Variants in SCARA3 observed in about 807,000 individuals in gnomAD.
SCARA3 encodes the protein cellular stress response gene protein.
SCARA3 carries 39 observed loss-of-function variants against 47.0 expected under a neutral mutation model. The observed-to-expected ratio is 0.83, with a 90% confidence interval of 0.64 to 1.08. SCARA3 has a LOEUF of 1.08. Among genes scored for constraint, SCARA3 ranks in the 50% least tolerant of loss-of-function variants. The pLI is 0.00. For missense variants in SCARA3, 724 were observed against 792.3 expected (o/e 0.91, Z 1.04); for synonymous variants, 356 against 334.1 (o/e 1.07, Z -0.71).
chr8:27,653,029 G>A (rs1801665994), intron 3 of SCARA3, among the ~76,000 whole-genome samples: 1 of 152,174 alleles, frequency 6.6e-6, no homozygotes, highest in African/African-American at 2.4e-5. Context: ...TCAGAAAGTG[G>A]CAAAAATCCC....
At chr8:27,699,118 C>T in the SCARA3 span, among the ~76,000 whole-genome samples, 4 of 151,790 alleles carry the variant, frequency 2.6e-5, no homozygotes, top group Admixed American at 6.6e-5. Flanking sequence ...GTGGCGGGCG[C>T]CTGTAGTCCC....
the SCARA3 span, among the ~76,000 whole-genome samples, chr8:27,707,820 C>CTA: frequency 4.6e-5 from 1 of 21,736 alleles, no homozygotes; most frequent in Non-Finnish European, 2.1e-4. Flanking sequence ...TGAAAAACTT[C>CTA]CAAAAAAAAA....
rs1178823922 is a variant in SCARA3, at chr8:27,641,690, T to C, written c.7+7483T>C. On this transcript the variant is annotated intron_variant, in intron 1 of 5. Transcript: ENST00000301904. ...GGAAGGAGAGCGAGGAAAGGCTGAG[T>C]GCATTGGGGATGAAGAAGGCAAGGG... Among the ~76,000 whole-genome samples, 4 of 151,992 alleles carry C rather than the reference T, an allele frequency of 2.6e-5. 1 individual carries two copies. Among genetic ancestry groups the C allele is most frequent in the Non-Finnish European group, 4.4e-5 (3 of 67,980 alleles).
intron 5 of SCARA3, among the ~76,000 whole-genome samples, chr8:27,659,874 AAAAG>A (rs1801856180): frequency 1.1e-5 from 1 of 93,856 alleles, no homozygotes; most frequent in African/African-American, 2.9e-5. Flanking sequence ...AAAAAAAAAA[AAAAG>A]AGAGAGAGAG....
chr8:27,696,456 T>C, the SCARA3 span, among the ~76,000 whole-genome samples: 1 of 152,132 alleles, frequency 6.6e-6, no homozygotes, highest in Non-Finnish European at 1.5e-5. Context: ...TGTTTTGTTT[T>C]GCTTTTAAAT....
intron 5 of SCARA3, among the ~76,000 whole-genome samples, chr8:27,660,858 A>C (rs376415270): frequency 1.3e-3 from 191 of 147,292 alleles, no homozygotes; most frequent in Middle Eastern, 3.6e-3. Context: ...AGATAGATAG[A>C]TAGATAGATA....
chr8:27,672,491 C>G lies in SCARA3; in HGVS notation c.*1140C>G. Reference sequence around the variant, plus strand: ...GGATTAGGCTGCAGAAGGGCCAACCCCTTGCAACAGGGCAGCTCTCGCCTC... The same window carrying G: ...GGATTAGGCTGCAGAAGGGCCAACCGCTTGCAACAGGGCAGCTCTCGCCTC... On this transcript the variant is annotated 3_prime_UTR_variant, in exon 6 of 6. Transcript: ENST00000301904. 2.0e-6 allele frequency: 2 copies of G among 985,706 alleles called. No homozygotes were observed. The highest frequency in any genetic ancestry group is 1.2e-6 in the Non-Finnish European group (1 of 830,148). The allele number at this position is 985,706 out of a possible 1,614,324, so 61.1% of individuals were successfully genotyped here.
chr8:27,654,320 T>C (rs997700727), intron 3 of SCARA3, among the ~76,000 whole-genome samples: 1 of 152,232 alleles, frequency 6.6e-6, no homozygotes, highest in Non-Finnish European at 1.5e-5. Context: ...TACCTATTTA[T>C]TTATAAGTGA....
At chr8:27,704,399 T>C in the SCARA3 span, among the ~76,000 whole-genome samples, 1 of 152,148 alleles carries the variant, frequency 6.6e-6, no homozygotes, top group African/African-American at 2.4e-5. Context: ...TGAGCTATGA[T>C]TATGCCACTG....
chr8:27,647,388 G>A (rs897475953), intron 1 of SCARA3, among the ~76,000 whole-genome samples: 5 of 152,168 alleles, frequency 3.3e-5, no homozygotes, highest in African/African-American at 1.2e-4. Flanking sequence ...GGTCTCCTTT[G>A]TCGCCCCAGA....
intron 1 of SCARA3, among the ~76,000 whole-genome samples, chr8:27,638,016 A>T (rs1412167219): frequency 6.6e-6 from 1 of 152,082 alleles, no homozygotes; most frequent in Non-Finnish European, 1.5e-5. Flanking sequence ...AGCGGCTCAG[A>T]TGTTGGAGTT....
chr8:27,690,944 A>G, the SCARA3 span, among the ~76,000 whole-genome samples: 2 of 152,034 alleles, frequency 1.3e-5, no homozygotes, highest in African/African-American at 2.4e-5. Flanking sequence ...TAGACACCCA[A>G]TGTGCTGGGA....
At chr8:27,648,654 A>C (rs1421200127) in intron 1 of SCARA3, among the ~76,000 whole-genome samples, 1 of 152,130 alleles carries the variant, frequency 6.6e-6, no homozygotes, top group South Asian at 2.1e-4. Context: ...TACTTCTAGC[A>C]TTACCAGCTT....
the SCARA3 span, chr8:27,703,112 C>T: frequency 6.6e-6 from 1 of 152,378 alleles, no homozygotes; most frequent in Admixed American, 6.5e-5. Flanking sequence ...AGCCCTGGCC[C>T]AGGGTCCAGA....
the SCARA3 span, among the ~76,000 whole-genome samples, chr8:27,696,866 G>A: frequency 6.6e-6 from 1 of 152,174 alleles, no homozygotes; most frequent in Non-Finnish European, 1.5e-5. Context: ...AAGTAGATTA[G>A]TCATTGCCAG....
chr8:27,695,607 T>G, the SCARA3 span, among the ~76,000 whole-genome samples: 6 of 152,090 alleles, frequency 3.9e-5, no homozygotes, highest in African/African-American at 1.2e-4. Context: ...AACACTAAAA[T>G]ATGATAATAT....
chr8:27,684,550 G>A, the SCARA3 span, among the ~76,000 whole-genome samples: 1 of 151,982 alleles, frequency 6.6e-6, no homozygotes, highest in African/African-American at 2.4e-5. Flanking sequence ...GCTAGGCATT[G>A]TGGTACATAC....
At chr8:27,682,302 AAGT>A in the SCARA3 span, among the ~76,000 whole-genome samples, 1 of 152,168 alleles carries the variant, frequency 6.6e-6, no homozygotes, top group African/African-American at 2.4e-5. Context: ...CTAAATATAA[AAGT>A]AAAAATTACA....
At chr8:27,643,902 A>G (rs2128915983) in intron 1 of SCARA3, among the ~76,000 whole-genome samples, 1 of 152,290 alleles carries the variant, frequency 6.6e-6, no homozygotes, top group Middle Eastern at 3.4e-3. Context: ...GAAAGCCGGC[A>G]TTGGTGACCA....
Sources: gnomAD v4.1 joint callset for allele counts (sites outside exome capture counted in the v4.1 genomes callset) on GRCh38, gnomAD v4.1.1 for gene constraint, MANE v1.5 for transcripts, NCBI Gene and HGNC (gene_info 2026-07-23, HGNC 2026-07-21) for gene names.